SMIM36: variants seen among roughly 807,000 people sequenced by gnomAD.
SMIM36 encodes the protein small integral membrane protein 36.
At chr17:55,489,026 A>G (rs1909656182) in intron 1 of SMIM36, among the ~76,000 whole-genome samples, 1 of 152,204 alleles carries the variant, frequency 6.6e-6, no homozygotes. Context: ...TGCGGTAGAT[A>G]CCATGGTTAT....
At chr17:55,500,656 T>C (rs1473190192) in intron 1 of SMIM36, among the ~76,000 whole-genome samples, 2 of 149,462 alleles carry the variant, frequency 1.3e-5, no homozygotes, top group African/African-American at 2.5e-5. Flanking sequence ...GCATCTAATA[T>C]TGAAGTTAAG....
chr17:55,501,291 T>C (rs192218207), intron 1 of SMIM36, among the ~76,000 whole-genome samples: 40 of 62,768 alleles, frequency 6.4e-4, no homozygotes, highest in African/African-American at 3.8e-3. Context: ...ATATTATATT[T>C]TATAATATAT....
chr17:55,481,200 A>G (rs938280975), intron 1 of SMIM36, among the ~76,000 whole-genome samples: 29 of 152,016 alleles, frequency 1.9e-4, no homozygotes, highest in African/African-American at 7.0e-4. Flanking sequence ...CATGTAGGCA[A>G]TCCTCTTAGA....
chr17:55,455,265 T>A (rs1458104848), intron 4 of SMIM36, among the ~76,000 whole-genome samples: 1 of 151,964 alleles, frequency 6.6e-6, no homozygotes, highest in East Asian at 1.9e-4. Flanking sequence ...GTGTATAGAG[T>A]GTAAATCCTC....
intron 3 of SMIM36, among the ~76,000 whole-genome samples, chr17:55,471,288 T>G (rs902586911): frequency 6.6e-6 from 1 of 152,132 alleles, no homozygotes; most frequent in Admixed American, 6.5e-5. Context: ...TCCCATCTTA[T>G]TCAATATTTT....
intron 1 of SMIM36, among the ~76,000 whole-genome samples, chr17:55,501,852 G>T (rs901782170): frequency 2.7e-5 from 4 of 146,308 alleles, no homozygotes; most frequent in Non-Finnish European, 6.0e-5. Flanking sequence ...CAGACGGTGG[G>T]CGCAGGCCAG....
intron 4 of SMIM36, among the ~76,000 whole-genome samples, chr17:55,450,546 T>C (rs1226047281): frequency 6.6e-6 from 1 of 152,186 alleles, no homozygotes; most frequent in Non-Finnish European, 1.5e-5. Flanking sequence ...TTGGTTTCAT[T>C]TCACAGAGAA....
the SMIM36 span, among the ~76,000 whole-genome samples, chr17:55,522,677 T>A: frequency 6.6e-6 from 1 of 152,060 alleles, no homozygotes; most frequent in African/African-American, 2.4e-5. Flanking sequence ...TGAGGTGAGG[T>A]TTGGGTGGGG....
chr17:55,487,690 A>G (rs1375874880), intron 1 of SMIM36, among the ~76,000 whole-genome samples: 1 of 152,224 alleles, frequency 6.6e-6, no homozygotes, highest in African/African-American at 2.4e-5. Context: ...TGGGAAGTTC[A>G]GCTCACTTGG....
chr17:55,491,705 G>T (rs1298611870), intron 1 of SMIM36, among the ~76,000 whole-genome samples: 2 of 152,240 alleles, frequency 1.3e-5, no homozygotes, highest in South Asian at 4.2e-4. Context: ...AAACTCAGAC[G>T]TAAAGTTTGG....
chr17:55,519,904 T>C, the SMIM36 span, among the ~76,000 whole-genome samples: 1 of 152,238 alleles, frequency 6.6e-6, no homozygotes, highest in Admixed American at 6.5e-5. Flanking sequence ...TGTGGGTATA[T>C]AAATTTTTTG....
chr17:55,477,644 C>G (rs1240806804), intron 3 of SMIM36, among the ~76,000 whole-genome samples: 2 of 152,152 alleles, frequency 1.3e-5, no homozygotes, highest in Non-Finnish European at 2.9e-5. Flanking sequence ...ACAGGAGTCA[C>G]ACAGATCTGG....
At chr17:55,453,106 T>A (rs966396004) in intron 4 of SMIM36, among the ~76,000 whole-genome samples, 1 of 152,062 alleles carries the variant, frequency 6.6e-6, no homozygotes, top group African/African-American at 2.4e-5. Context: ...GCCCAGGAGT[T>A]CAAGGCCAGC....
the SMIM36 span, among the ~76,000 whole-genome samples, chr17:55,525,117 C>T: frequency 6.6e-6 from 1 of 152,314 alleles, no homozygotes; most frequent in South Asian, 2.1e-4. Flanking sequence ...TATACTGTAC[C>T]TCCTTTTATA....
chr17:55,501,917 G>A (rs940752873), intron 1 of SMIM36, among the ~76,000 whole-genome samples: 4 of 124,298 alleles, frequency 3.2e-5, no homozygotes, highest in East Asian at 2.1e-4. Context: ...CCTGGGAAGC[G>A]CAAGGGGTCA....
At chr17:55,516,209 G>A (rs1456919727), upstream of SMIM36, among the ~76,000 whole-genome samples, 1 of 152,142 alleles carries the variant, frequency 6.6e-6, no homozygotes, top group Non-Finnish European at 1.5e-5. Flanking sequence ...AATGTAGCTA[G>A]GGATAATATT....
chr17:55,508,301 C>T (rs558226495), intron 1 of SMIM36, among the ~76,000 whole-genome samples: 93 of 151,188 alleles, frequency 6.2e-4, no homozygotes, highest in African/African-American at 2.1e-3. Context: ...GAGTGCAAAA[C>T]GCAATAAAAA....
chr17:55,501,244 AG>A (rs1264497701), intron 1 of SMIM36, among the ~76,000 whole-genome samples: 16 of 26,388 alleles, frequency 6.1e-4, no homozygotes, highest in Non-Finnish European at 7.7e-4. Context: ...TATATAATAT[AG>A]TATTATATTT....
At chr17:55,455,338 C>T (rs1169586063) in intron 4 of SMIM36, among the ~76,000 whole-genome samples, 1 of 152,104 alleles carries the variant, frequency 6.6e-6, no homozygotes, top group South Asian at 2.1e-4. Context: ...CATTTCATCT[C>T]CTTCTATTCC....
Sources: allele counts gnomAD v4.1 joint callset (sites outside exome capture counted in the v4.1 genomes callset), GRCh38; gene constraint gnomAD v4.1.1; transcripts MANE v1.5; gene names NCBI Gene and HGNC (gene_info 2026-07-23, HGNC 2026-07-21).